Variants in RARB observed in about 807,000 individuals in gnomAD.
RARB encodes HBV-activated protein.
Under a neutral mutation model 51.9 loss-of-function variants are expected in RARB, and 17 were observed. The ratio of observed to expected loss-of-function variants is 0.33; its 90% CI spans 0.22 to 0.49. RARB has a LOEUF of 0.49. Among genes scored for constraint, RARB ranks in the 20% least tolerant of loss-of-function variants. The pLI, the probability that RARB is intolerant of heterozygous loss-of-function variation, is 0.99. For synonymous variants in RARB, 215 were observed against 195.4 expected, an observed-to-expected ratio of 1.10 and a Z score of -0.84; for missense variants, 369 against 550.8, an observed-to-expected ratio of 0.67 and a Z score of 3.30.
chr3:24,932,074 T>C (rs532779444), intron 2 of RARB, among the ~76,000 whole-genome samples: 1 of 139,024 alleles, frequency 7.2e-6, no homozygotes, highest in South Asian at 2.4e-4. Flanking sequence ...AACTCCCAAC[T>C]TGGGGAGCCT....
intron 2 of RARB, among the ~76,000 whole-genome samples, chr3:25,039,921 G>A (rs1698078907): frequency 6.6e-6 from 1 of 152,214 alleles, no homozygotes; most frequent in Non-Finnish European, 1.5e-5. Flanking sequence ...TGTCTTGTGG[G>A]TTGGGATAGA....
chr3:24,840,331 G>C (rs1368649191), intron 1 of RARB, among the ~76,000 whole-genome samples: 1 of 152,172 alleles, frequency 6.6e-6, no homozygotes, highest in Non-Finnish European at 1.5e-5. Flanking sequence ...AGCTGTGAAG[G>C]TATAAAGGCA....
intron 1 of RARB, among the ~76,000 whole-genome samples, chr3:25,439,562 C>T (rs1708574460): frequency 6.6e-6 from 1 of 152,058 alleles, no homozygotes; most frequent in East Asian, 1.9e-4. Flanking sequence ...TGTGTCATCA[C>T]ACCTGGCTAG....
In RARB at chr3:24,909,647, T is replaced by A. The variant is rs1271058484; in HGVS notation, c.-380+50895T>A. On this transcript the variant is annotated intron_variant, in intron 2 of 11. Coordinates refer to the RARB transcript ENST00000383772. ...TCCATTAAGCTATCTCTACCTTTCT[T>A]TGCATTTGTTAGTCCTTCTATATGT... is the stretch of plus-strand genomic sequence containing the variant. 2.0e-5 allele frequency among the ~76,000 whole-genome samples: 3 copies of A among 152,082 alleles called. No homozygotes were observed. The East Asian group carries it at 5.8e-4, about 29-fold the overall frequency.
chr3:25,341,203 G>C (rs931158157), intron 5 of RARB, among the ~76,000 whole-genome samples: 7 of 152,296 alleles, frequency 4.6e-5, no homozygotes, highest in Admixed American at 3.9e-4. Context: ...CTAAGACCGT[G>C]CCTGGCATGA....
intron 3 of RARB, among the ~76,000 whole-genome samples, chr3:25,077,093 A>C (rs767396359): frequency 6.6e-6 from 1 of 152,222 alleles, no homozygotes; most frequent in African/African-American, 2.4e-5. Context: ...ATAGAAATAC[A>C]TTGGTCCTCC....
intron 5 of RARB, among the ~76,000 whole-genome samples, chr3:25,264,769 C>T (rs773237399): frequency 4.6e-5 from 7 of 152,132 alleles, no homozygotes; most frequent in African/African-American, 7.2e-5. Flanking sequence ...GGTGTATACA[C>T]ACTTTTCTCC....
intron 5 of RARB, among the ~76,000 whole-genome samples, chr3:25,586,675 C>G (rs1273860491): frequency 6.6e-6 from 1 of 152,214 alleles, no homozygotes; most frequent in Non-Finnish European, 1.5e-5. Flanking sequence ...GCCTGTGTGA[C>G]TTCAAAATGT....
chr3:25,252,971 T>C (rs905958443), intron 5 of RARB, among the ~76,000 whole-genome samples: 2 of 152,154 alleles, frequency 1.3e-5, no homozygotes, highest in African/African-American at 2.4e-5. Flanking sequence ...GAGGGTAATA[T>C]GCACTCTCTC....
At chr3:25,054,652 G>T (rs1196989008) in intron 2 of RARB, among the ~76,000 whole-genome samples, 1 of 152,184 alleles carries the variant, frequency 6.6e-6, no homozygotes, top group Admixed American at 6.5e-5. Flanking sequence ...AACCTGAGAT[G>T]CAGGGAAACT....
At chr3:25,262,567 G>C (rs547257508) in intron 5 of RARB, among the ~76,000 whole-genome samples, 1 of 152,112 alleles carries the variant, frequency 6.6e-6, no homozygotes, top group African/African-American at 2.4e-5. Context: ...TGCATTCCAC[G>C]TTCATGGTCC....
intron 3 of RARB, among the ~76,000 whole-genome samples, chr3:25,105,635 T>A (rs931271628): frequency 6.6e-6 from 1 of 152,176 alleles, no homozygotes; most frequent in Admixed American, 6.5e-5. Context: ...TCTCTTGACA[T>A]TTCCTTGCTG....
At chr3:25,288,876 C>T (rs1049825492) in intron 5 of RARB, among the ~76,000 whole-genome samples, 11 of 152,130 alleles carry the variant, frequency 7.2e-5, no homozygotes, top group Non-Finnish European at 1.5e-5. Context: ...TTAGCCCTCC[C>T]TTTTATGCAA....
chr3:25,507,372 C>G (rs148667910), intron 3 of RARB, among the ~76,000 whole-genome samples: 2 of 152,284 alleles, frequency 1.3e-5, no homozygotes, highest in Non-Finnish European at 2.9e-5. Context: ...CGCAGTCATT[C>G]GTTTATCTGC....
At chr3:24,904,606 A>T (rs1694808835) in intron 2 of RARB, among the ~76,000 whole-genome samples, 1 of 152,226 alleles carries the variant, frequency 6.6e-6, no homozygotes, top group East Asian at 1.9e-4. Flanking sequence ...CAGTGTGATG[A>T]TTCCTCAAGG....
chr3:24,876,667 A>T (rs1024543444), intron 2 of RARB, among the ~76,000 whole-genome samples: 1 of 152,142 alleles, frequency 6.6e-6, no homozygotes, highest in East Asian at 1.9e-4. Flanking sequence ...CTGTCTTCTA[A>T]TGCAATTTTA....
At chr3:25,501,947 CT>C (rs1697336573) in intron 3 of RARB, among the ~76,000 whole-genome samples, 1 of 152,172 alleles carries the variant, frequency 6.6e-6, no homozygotes, top group African/African-American at 2.4e-5. Flanking sequence ...AATATACCGG[CT>C]TTAGTATAAA....
chr3:25,468,811 G>T (rs1359604967), intron 2 of RARB, among the ~76,000 whole-genome samples: 1 of 152,218 alleles, frequency 6.6e-6, no homozygotes, highest in Non-Finnish European at 1.5e-5. Context: ...ACCCACACAT[G>T]GGCATGTTCC....
At chr3:24,992,451 A>C (rs1306615288) in intron 2 of RARB, among the ~76,000 whole-genome samples, 1 of 152,140 alleles carries the variant, frequency 6.6e-6, no homozygotes, top group East Asian at 1.9e-4. Context: ...CTCTGATAAA[A>C]CCAGAGAAAA....
Sources: allele counts gnomAD v4.1 joint callset (sites outside exome capture counted in the v4.1 genomes callset), GRCh38; gene constraint gnomAD v4.1.1; transcripts MANE v1.5; gene names NCBI Gene and HGNC (gene_info 2026-07-23, HGNC 2026-07-21).